CSMD2: variants seen among roughly 807,000 people sequenced by gnomAD.
The protein encoded by CSMD2 is CUB and Sushi multiple domains 2, also known as CUB and sushi domain-containing protein 2.
CSMD2 carries 130 observed loss-of-function variants against 398.5 expected under a neutral mutation model. The ratio of observed to expected loss-of-function variants is 0.33; its 90% CI spans 0.28 to 0.38. CSMD2 has a LOEUF of 0.38. Among genes scored for constraint, CSMD2 ranks in the 10% least tolerant of loss-of-function variants. The probability of loss-of-function intolerance (pLI) is 1.00; values close to 1 mark genes in which losing one functional copy is unlikely to be tolerated. For missense variants in CSMD2, 3,829 were observed against 4,764.9 expected (o/e 0.80, Z 5.78); for synonymous variants, 1,828 against 1,908.5 (o/e 0.96, Z 1.10).
chr1:34,024,172 G>T (rs1031695798), intron 3 of CSMD2, among the ~76,000 whole-genome samples: 2 of 152,182 alleles, frequency 1.3e-5, no homozygotes, highest in Non-Finnish European at 2.9e-5. Context: ...TTGAATGTAG[G>T]GGCCACTTCT....
chr1:34,160,681 C>A (rs755690564), intron 1 of CSMD2, among the ~76,000 whole-genome samples: 23 of 152,160 alleles, frequency 1.5e-4, no homozygotes, highest in Non-Finnish European at 3.4e-4. Context: ...AGAAATAAAG[C>A]ACCATCCCTG....
intron 6 of CSMD2, among the ~76,000 whole-genome samples, chr1:33,840,543 A>G (rs950110008): frequency 1.2e-4 from 18 of 152,330 alleles, no homozygotes; most frequent in Admixed American, 1.2e-3. Flanking sequence ...ATATTCTGTG[A>G]TGACACTGAA....
At chr1:33,819,581 A>T in intron 9 of CSMD2, 132 bp downstream of exon 9, 1 of 724,140 alleles carries the variant, frequency 1.4e-6, no homozygotes, top group Non-Finnish European at 2.3e-6. Flanking sequence ...ATTGGTAAAT[A>T]AGTGCAGGGA....
chr1:33,577,894 A>C (rs537424592), intron 48 of CSMD2, among the ~76,000 whole-genome samples: 3 of 152,296 alleles, frequency 2.0e-5, no homozygotes, highest in Non-Finnish European at 2.9e-5. Context: ...GCTGGGCTCC[A>C]GTCCCGTTTC....
In CSMD2 at chr1:34,014,142, G is replaced by A. The variant is rs147850753; in HGVS notation, c.517+18452C>T. ...GTCTGGAAGATGCCCACTTCTCTCC[G>A]CCTTCACCGTTGCGGCTCTCACCCA... On this transcript the variant is annotated intron_variant, in intron 3 of 70. Transcript: ENST00000373381. Among the ~76,000 whole-genome samples the A allele has an allele frequency of 6.3e-3, 963 of 152,266 alleles. 1 individual carries two copies. The highest frequency in any genetic ancestry group is 0.011 in the Non-Finnish European group (718 of 68,022).
intron 2 of CSMD2, among the ~76,000 whole-genome samples, chr1:34,055,158 C>G (rs1653679938): frequency 6.6e-6 from 1 of 152,158 alleles, no homozygotes; most frequent in Non-Finnish European, 1.5e-5. Context: ...ACAACAATAA[C>G]AATAAACAAG....
chr1:34,130,389 C>CAA (rs60733725), intron 1 of CSMD2, among the ~76,000 whole-genome samples: 3,331 of 58,288 alleles, frequency 0.057, 267 homozygotes, highest in Non-Finnish European at 0.061. Context: ...TGTCTGGAGG[C>CAA]AAAAAAAAAA....
chr1:34,121,673 A>T (rs1490599369), intron 1 of CSMD2, among the ~76,000 whole-genome samples: 2 of 152,140 alleles, frequency 1.3e-5, no homozygotes, highest in Non-Finnish European at 2.9e-5. Flanking sequence ...AGCTTTGTAA[A>T]ATCACAGTGT....
chr1:33,827,651 G>C (rs1658980656), intron 6 of CSMD2, among the ~76,000 whole-genome samples: 1 of 60,536 alleles, frequency 1.7e-5, no homozygotes, highest in South Asian at 1.0e-3. Context: ...ACAAAGGCAG[G>C]GATTTTTATT....
chr1:33,567,892 C>A, intron 52 of CSMD2, 51 bp from the exon 53 acceptor site: 8 of 1,532,246 alleles, frequency 5.2e-6, no homozygotes, highest in Non-Finnish European at 7.0e-6. Context: ...CAACTCATTA[C>A]TTTTCCCACC....
intron 13 of CSMD2, among the ~76,000 whole-genome samples, chr1:33,745,289 C>G (rs1360233782): frequency 6.6e-6 from 1 of 152,058 alleles, no homozygotes; most frequent in Non-Finnish European, 1.5e-5. Flanking sequence ...CGTAGGCGTT[C>G]AAAATGAAAC....
At chr1:33,690,061 G>A (rs974677323) in intron 25 of CSMD2, among the ~76,000 whole-genome samples, 2 of 152,018 alleles carry the variant, frequency 1.3e-5, no homozygotes, top group East Asian at 3.9e-4. Context: ...TCCTCACTGC[G>A]CTTACCGGCC....
At chr1:33,521,817 A>C (rs1424279071) in intron 67 of CSMD2, among the ~76,000 whole-genome samples, 2 of 152,244 alleles carry the variant, frequency 1.3e-5, no homozygotes, top group Non-Finnish European at 2.9e-5. Flanking sequence ...TCAGTTTGTC[A>C]TGTGCAAAAT....
rs148495735 is a variant in CSMD2 at position 33,846,930 on chromosome 1, T to C, written c.987A>G (p.Thr329=). 25 of 1,610,580 alleles carry C rather than the reference T, an allele frequency of 1.6e-5. No homozygotes were observed. The highest frequency in any genetic ancestry group is 1.8e-5 in the Non-Finnish European group (21 of 1,178,244). Residue 329 remains threonine (T), a synonymous_variant, in exon 6 of 71, where the codon ACA becomes ACG. Transcript: ENST00000373381. ...CGCGCTGCCGGTGGTTGCCATCCGATGTGAAGTGCAGTCGCAGCCAGTTCT... is the reference window on the plus strand; with the variant it reads ...CGCGCTGCCGGTGGTTGCCATCCGACGTGAAGTGCAGTCGCAGCCAGTTCT... ...SSKNWLRLHF[T]SDGNHRQRGF...
chr1:33,972,089 G>A (rs968164846), intron 3 of CSMD2, among the ~76,000 whole-genome samples: 1 of 152,150 alleles, frequency 6.6e-6, no homozygotes, highest in Non-Finnish European at 1.5e-5. Context: ...GGCAGGGACC[G>A]CGGGAGTAGG....
At chr1:33,695,769 A>C (rs1280489826) in intron 24 of CSMD2, among the ~76,000 whole-genome samples, 3 of 152,174 alleles carry the variant, frequency 2.0e-5, no homozygotes, top group Non-Finnish European at 4.4e-5. Context: ...AGCCCACCAG[A>C]GTGGCTCCCT....
intron 33 of CSMD2, among the ~76,000 whole-genome samples, chr1:33,625,598 C>T (rs576118425): frequency 9.2e-5 from 14 of 152,276 alleles, no homozygotes; most frequent in Non-Finnish European, 1.0e-4. Context: ...TCCTCCTCTA[C>T]CTTCAGGGCC....
chr1:34,100,386 T>C (rs1659827092), intron 1 of CSMD2, among the ~76,000 whole-genome samples: 2 of 152,328 alleles, frequency 1.3e-5, no homozygotes, highest in South Asian at 4.1e-4. Context: ...GATTATTTCA[T>C]TTAAAAAATA....
chr1:33,754,298 T>G (rs1386544576), intron 13 of CSMD2, among the ~76,000 whole-genome samples: 1 of 152,208 alleles, frequency 6.6e-6, no homozygotes, highest in Non-Finnish European at 1.5e-5. Context: ...TGCTAGTTCA[T>G]GCAAGATCTG....
Sources: allele counts gnomAD v4.1 joint callset (sites outside exome capture counted in the v4.1 genomes callset), GRCh38; gene constraint gnomAD v4.1.1; transcripts MANE v1.5; gene names NCBI Gene and HGNC (gene_info 2026-07-23, HGNC 2026-07-21).